COL25A1: variants seen among roughly 807,000 people sequenced by gnomAD.
COL25A1 encodes the protein collagen type XXV alpha 1 chain.
In COL25A1, 103 loss-of-function variants were observed where a neutral mutation model predicts 128.4. The observed-to-expected ratio is 0.80, with a 90% confidence interval of 0.68 to 0.94. COL25A1 has a LOEUF of 0.94. Among genes scored for constraint, COL25A1 ranks in the 40% least tolerant of loss-of-function variants. COL25A1 has a pLI of 0.00. For missense variants in COL25A1, 745 were observed against 840.0 expected (o/e 0.89, Z 1.40); for synonymous variants, 279 against 277.2 (o/e 1.01, Z -0.06).
In COL25A1 at chr4:108,964,323, T is replaced by C. The variant is rs72670305; in HGVS notation, c.492+10044A>G. ...ATTTTAATATCTCTGTGGTCATTAA[T>C]AGAATTTTCAGTTAAAGGCTCACAT... On this transcript the variant is annotated intron_variant, in intron 8 of 37. Transcript: ENST00000399132. Among the ~76,000 whole-genome samples the C allele has an allele frequency of 5.9e-3, 890 of 151,950 alleles. 7 individuals carry two copies. The highest frequency in any genetic ancestry group is 0.027 in the Middle Eastern group (8 of 294).
At chr4:108,887,274 C>T (rs1413717278) in intron 18 of COL25A1, among the ~76,000 whole-genome samples, 1 of 152,134 alleles carries the variant, frequency 6.6e-6, no homozygotes, top group Non-Finnish European at 1.5e-5. Flanking sequence ...GTCTCTGACA[C>T]AGGAGCCTAA....
At chr4:108,981,012 C>T (rs973321464) in intron 6 of COL25A1, among the ~76,000 whole-genome samples, 14 of 152,332 alleles carry the variant, frequency 9.2e-5, no homozygotes, top group Middle Eastern at 3.4e-3. Flanking sequence ...GCATGATGAA[C>T]TTGACTCATA....
At chr4:109,034,329 T>G (rs958050432) in intron 5 of COL25A1, among the ~76,000 whole-genome samples, 2 of 152,166 alleles carry the variant, frequency 1.3e-5, no homozygotes, top group African/African-American at 4.8e-5. Flanking sequence ...TTGGCTATAG[T>G]TCAGCAAGAA....
intron 20 of COL25A1, among the ~76,000 whole-genome samples, chr4:108,865,760 C>G (rs755816748): frequency 6.6e-6 from 1 of 152,128 alleles, no homozygotes; most frequent in African/African-American, 2.4e-5. Flanking sequence ...TACTTTTTAA[C>G]ATTTATATAT....
At chr4:109,166,974 T>C (rs182067418) in intron 3 of COL25A1, among the ~76,000 whole-genome samples, 109 of 152,288 alleles carry the variant, frequency 7.2e-4, no homozygotes, top group Admixed American at 4.5e-3. Flanking sequence ...GAAAGATTCA[T>C]GTAAATAATG....
At chr4:109,224,614 G>T (rs564636885) in intron 3 of COL25A1, among the ~76,000 whole-genome samples, 1 of 152,242 alleles carries the variant, frequency 6.6e-6, no homozygotes, top group Non-Finnish European at 1.5e-5. Context: ...CTCAGTAGAA[G>T]AGTGATTCTC....
At chr4:108,937,288 G>A (rs1165700311) in intron 11 of COL25A1, among the ~76,000 whole-genome samples, 2 of 151,984 alleles carry the variant, frequency 1.3e-5, no homozygotes, top group African/African-American at 4.8e-5. Context: ...TGGGGAACTG[G>A]GACCTGTGTG....
Position 108,837,436 on chromosome 4 carries a change from G to C in COL25A1, c.1656+4259C>G, listed in dbSNP as rs1733939205. Among the ~76,000 whole-genome samples, 3 of 152,144 alleles carry C rather than the reference G, an allele frequency of 2.0e-5. No individual in the cohort carries two copies. In the South Asian group the frequency reaches 6.2e-4, roughly 32 times the overall value. On this transcript the variant is annotated intron_variant, in intron 31 of 37. Coordinates refer to ENST00000399132, the MANE Select transcript of COL25A1 (RefSeq NM_198721.4). ...AATTTAAAAAAATCTCCATTTAGTT[G>C]TTGTGGAAAGAAGGCTGACATAAAG...
chr4:108,903,713 T>G (rs1743126856), intron 13 of COL25A1, among the ~76,000 whole-genome samples: 1 of 152,086 alleles, frequency 6.6e-6, no homozygotes, highest in South Asian at 2.1e-4. Context: ...TTATAGGCAC[T>G]TCAAAAAAAT....
At chr4:109,109,096 C>CTTCT (rs57035239) in intron 3 of COL25A1, among the ~76,000 whole-genome samples, 31,873 of 151,456 alleles carry the variant, frequency 0.21, 3,944 homozygotes, top group East Asian at 0.39. Context: ...CTTTTTTTCC[C>CTTCT]TTCTTTCTTT....
At chr4:109,150,874 T>C (rs998536752) in intron 3 of COL25A1, among the ~76,000 whole-genome samples, 9 of 152,160 alleles carry the variant, frequency 5.9e-5, no homozygotes, top group Non-Finnish European at 1.5e-5. Context: ...AAATAGATTA[T>C]GTTCTCAATT....
chr4:109,037,835 C>T (rs530937552), intron 5 of COL25A1, among the ~76,000 whole-genome samples: 29 of 152,200 alleles, frequency 1.9e-4, no homozygotes, highest in African/African-American at 5.1e-4. Flanking sequence ...CCTATGTGAA[C>T]GGGCTTTTGA....
chr4:108,939,712 T>C (rs557930201), intron 10 of COL25A1, among the ~76,000 whole-genome samples: 270 of 152,266 alleles, frequency 1.8e-3, no homozygotes, highest in African/African-American at 6.3e-3. Context: ...ATAAATACAT[T>C]GAATAAATAA....
chr4:109,265,429 T>A (rs1781719991), intron 3 of COL25A1, among the ~76,000 whole-genome samples: 1 of 152,042 alleles, frequency 6.6e-6, no homozygotes, highest in Admixed American at 6.6e-5. Flanking sequence ...ACAGTAACAT[T>A]TTCCTTATAC....
intron 3 of COL25A1, among the ~76,000 whole-genome samples, chr4:109,293,805 A>G (rs935990826): frequency 2.6e-5 from 4 of 152,142 alleles, no homozygotes; most frequent in African/African-American, 9.7e-5. Context: ...GCAACTTAAC[A>G]TTGAAATGAA....
rs535260098 is a variant in COL25A1, at chr4:108,854,136, A to G, written c.1321-1211T>C. The G allele has an allele frequency of 3.9e-5, 6 of 152,350 alleles. No individual in the cohort carries two copies. The South Asian group carries it at 1.2e-3, about 32-fold the overall frequency. The allele number at this position is 152,350 out of a possible 1,614,324, so 9.4% of individuals were successfully genotyped here. On this transcript the variant is annotated intron_variant, in intron 24 of 37. Coordinates refer to ENST00000399132, the MANE Select transcript of COL25A1 (RefSeq NM_198721.4). ...ACGTGGAAAGGATTTCCTATTTAAT[A>G]AATGGTGTTGGGAAAACTGGCTAGC...
At chr4:108,933,877 C>CAA (rs993521990) in intron 11 of COL25A1, among the ~76,000 whole-genome samples, 3 of 151,236 alleles carry the variant, frequency 2.0e-5, no homozygotes, top group Non-Finnish European at 4.4e-5. Flanking sequence ...CACACACACA[C>CAA]AATGTGTGAA....
intron 24 of COL25A1, among the ~76,000 whole-genome samples, chr4:108,853,703 T>C (rs931980767): frequency 1.3e-5 from 2 of 151,888 alleles, no homozygotes; most frequent in Admixed American, 1.3e-4. Flanking sequence ...TGTGTGATGT[T>C]CCCCTCCCTG....
At chr4:109,234,943 C>T (rs182859867) in intron 3 of COL25A1, among the ~76,000 whole-genome samples, 49 of 151,894 alleles carry the variant, frequency 3.2e-4, no homozygotes, top group East Asian at 5.8e-4. Context: ...CTGTATTGTA[C>T]GCAAATCTGT....
Sources: gnomAD v4.1 joint callset for allele counts (sites outside exome capture counted in the v4.1 genomes callset) on GRCh38, gnomAD v4.1.1 for gene constraint, MANE v1.5 for transcripts, NCBI Gene and HGNC (gene_info 2026-07-23, HGNC 2026-07-21) for gene names.